Variants in SCFD2 observed in about 807,000 individuals in gnomAD.
The protein encoded by SCFD2 is sec1 family domain containing 2, also known as sec1 family domain-containing protein 2.
SCFD2 carries 54 observed loss-of-function variants against 58.9 expected under a neutral mutation model. The ratio of observed to expected loss-of-function variants is 0.92; its 90% CI spans 0.74 to 1.15. SCFD2 has a LOEUF of 1.15. SCFD2 is among the 50% of genes most tolerant of loss of function. The pLI, the probability that SCFD2 is intolerant of heterozygous loss-of-function variation, is 0.00. For missense variants in SCFD2, 805 were observed against 836.6 expected (o/e 0.96, Z 0.47); for synonymous variants, 321 against 335.9 (o/e 0.96, Z 0.49).
At chr4:53,101,266 C>A (rs544897902) in intron 5 of SCFD2, among the ~76,000 whole-genome samples, 1 of 152,154 alleles carries the variant, frequency 6.6e-6, no homozygotes, top group African/African-American at 2.4e-5. Flanking sequence ...TGCTGACATA[C>A]TGCTAAGGAG....
intron 5 of SCFD2, among the ~76,000 whole-genome samples, chr4:53,108,803 C>A (rs1725081881): frequency 6.6e-6 from 1 of 152,086 alleles, no homozygotes; most frequent in Non-Finnish European, 1.5e-5. Flanking sequence ...GAGGAGCTGG[C>A]ACCATTCCTT....
chr4:53,267,685 A>G (rs1731033453), intron 4 of SCFD2, among the ~76,000 whole-genome samples: 2 of 152,122 alleles, frequency 1.3e-5, no homozygotes, highest in East Asian at 3.9e-4. Flanking sequence ...ACTTCGAGTA[A>G]TCCTCCTACT....
chr4:53,111,730 G>T (rs2148885018), intron 5 of SCFD2, among the ~76,000 whole-genome samples: 1 of 152,170 alleles, frequency 6.6e-6, no homozygotes, highest in East Asian at 1.9e-4. Context: ...GTTTCTGATT[G>T]TATTATCTGA....
At chr4:53,328,670 T>C (rs929546691) in intron 2 of SCFD2, among the ~76,000 whole-genome samples, 49 of 151,870 alleles carry the variant, frequency 3.2e-4, no homozygotes, top group Non-Finnish European at 2.9e-4. Context: ...GTAAAGAAAA[T>C]GATAGAATTG....
At chr4:52,886,663 T>A (rs1718748893) in intron 7 of SCFD2, among the ~76,000 whole-genome samples, 1 of 152,158 alleles carries the variant, frequency 6.6e-6, no homozygotes, top group Admixed American at 6.5e-5. Flanking sequence ...GTGAGAAAAA[T>A]CCTGCATCAC....
chr4:52,957,847 C>T (rs958387219), intron 5 of SCFD2: 12 of 152,140 alleles, frequency 7.9e-5, no homozygotes, highest in Non-Finnish European at 1.6e-4. Context: ...TACATCAGAC[C>T]GAGGTTATAC....
intron 4 of SCFD2, among the ~76,000 whole-genome samples, chr4:53,257,572 G>A (rs1730684118): frequency 1.3e-5 from 2 of 152,094 alleles, no homozygotes; most frequent in African/African-American, 2.4e-5. Flanking sequence ...TCAGGAGTGG[G>A]AGAATGTTGT....
chr4:53,181,006 T>C (rs1451297222), intron 4 of SCFD2, among the ~76,000 whole-genome samples: 4 of 152,126 alleles, frequency 2.6e-5, no homozygotes, highest in East Asian at 1.9e-4. Flanking sequence ...ATTGAGGCAA[T>C]AATTAATAGC....
chr4:53,123,739 G>A (rs146837626), intron 5 of SCFD2, among the ~76,000 whole-genome samples: 216 of 152,326 alleles, frequency 1.4e-3, no homozygotes, highest in African/African-American at 4.9e-3. Context: ...GTGAGATGAT[G>A]TCTCAAAGGA....
At chr4:52,970,995 T>C (rs1721085305) in intron 5 of SCFD2, among the ~76,000 whole-genome samples, 1 of 152,058 alleles carries the variant, frequency 6.6e-6, no homozygotes, top group Non-Finnish European at 1.5e-5. Flanking sequence ...AGAAAGGACA[T>C]CCACACCAAA....
intron 4 of SCFD2, among the ~76,000 whole-genome samples, chr4:53,218,872 C>G (rs146153978): frequency 6.6e-6 from 1 of 152,246 alleles, no homozygotes; most frequent in Non-Finnish European, 1.5e-5. Context: ...TCAAGAACCA[C>G]AGCTGCAGGT....
chr4:53,000,752 C>A (rs561506012), intron 5 of SCFD2, among the ~76,000 whole-genome samples: 10 of 152,202 alleles, frequency 6.6e-5, no homozygotes, highest in Non-Finnish European at 1.2e-4. Flanking sequence ...ATGGGAAGGG[C>A]ACTTGTTGTT....
intron 2 of SCFD2, among the ~76,000 whole-genome samples, chr4:53,320,259 A>C (rs1404768452): frequency 6.6e-6 from 1 of 152,216 alleles, no homozygotes; most frequent in Non-Finnish European, 1.5e-5. Context: ...TGTTCTGTAA[A>C]ATAAAAGGCT....
chr4:53,116,808 A>G (rs7683505), intron 5 of SCFD2, among the ~76,000 whole-genome samples: 1,825 of 152,332 alleles, frequency 0.012, 43 homozygotes, highest in African/African-American at 0.042. Context: ...GAGCTAGCAC[A>G]GTAATTTGGG....
chr4:52,962,385 C>T (rs377725244), intron 5 of SCFD2, among the ~76,000 whole-genome samples: 2 of 152,172 alleles, frequency 1.3e-5, no homozygotes, highest in Admixed American at 1.3e-4. Context: ...ACTCCTGGTA[C>T]CTTACAAACT....
rs144115917 is a variant in SCFD2, at chr4:53,286,086, G to A, written c.1136-12085C>T. Among the ~76,000 whole-genome samples, 1,313 of 152,152 alleles carry A rather than the reference G, an allele frequency of 8.6e-3. 13 individuals carry two copies. The highest frequency in any genetic ancestry group is 0.048 in the Middle Eastern group (14 of 294). On this transcript the variant is annotated intron_variant, in intron 3 of 8. Coordinates refer to ENST00000401642, the MANE Select transcript of SCFD2 (RefSeq NM_152540.4). Reference sequence around the variant, plus strand: ...TCTGCCATTGTTGCACCACATTCACGTACACAGAAGCAGACCATTCCCTAG... The same window carrying A: ...TCTGCCATTGTTGCACCACATTCACATACACAGAAGCAGACCATTCCCTAG...
chr4:53,158,575 T>C (rs1042559511), intron 4 of SCFD2, among the ~76,000 whole-genome samples: 2 of 152,122 alleles, frequency 1.3e-5, no homozygotes, highest in South Asian at 2.1e-4. Context: ...TTTTTATATA[T>C]CCATCCCTTC....
At chr4:53,216,894 T>C (rs1203930636) in intron 4 of SCFD2, among the ~76,000 whole-genome samples, 2 of 152,230 alleles carry the variant, frequency 1.3e-5, no homozygotes, top group Non-Finnish European at 2.9e-5. Context: ...TGCCTTCATT[T>C]CGTTATGTAC....
At chr4:53,036,949 G>A (rs550669876) in intron 5 of SCFD2, among the ~76,000 whole-genome samples, 2 of 152,100 alleles carry the variant, frequency 1.3e-5, no homozygotes, top group Non-Finnish European at 2.9e-5. Context: ...GGCTGGTTTG[G>A]GGGGAAAGGG....
Sources: gnomAD v4.1 joint callset for allele counts (sites outside exome capture counted in the v4.1 genomes callset) on GRCh38, gnomAD v4.1.1 for gene constraint, MANE v1.5 for transcripts, NCBI Gene and HGNC (gene_info 2026-07-23, HGNC 2026-07-21) for gene names.